Variants in NKAIN2 observed in about 807,000 individuals in gnomAD.
The protein encoded by NKAIN2 is sodium/potassium transporting ATPase interacting 2.
Under a neutral mutation model 32.6 loss-of-function variants are expected in NKAIN2, and 14 were observed. That is an observed-to-expected ratio of 0.43 (90% CI 0.28 to 0.67). The LOEUF is 0.67. NKAIN2 is among the 30% of genes least tolerant of loss of function. The pLI, the probability that NKAIN2 is intolerant of heterozygous loss-of-function variation, is 0.17. For missense variants in NKAIN2, 198 were observed against 258.3 expected (o/e 0.77, Z 1.60); for synonymous variants, 80 against 87.2 (o/e 0.92, Z 0.46).
At chr6:124,635,080 A>AAGAAAGAAAG (rs200958123) in intron 3 of NKAIN2, among the ~76,000 whole-genome samples, 3 of 148,638 alleles carry the variant, frequency 2.0e-5, no homozygotes, top group Non-Finnish European at 3.0e-5. Context: ...AAAAAAGACA[A>AAGAAAGAAAG]AGAAAGAAAG....
intron 1 of NKAIN2, among the ~76,000 whole-genome samples, chr6:124,017,919 T>G (rs1780664184): frequency 6.6e-6 from 1 of 152,188 alleles, no homozygotes; most frequent in Non-Finnish European, 1.5e-5. Context: ...CACTAGTCAG[T>G]GCCCCAGTGG....
At chr6:124,339,325 C>T (rs568722489) in intron 2 of NKAIN2, among the ~76,000 whole-genome samples, 7 of 152,218 alleles carry the variant, frequency 4.6e-5, no homozygotes, top group Admixed American at 2.0e-4. Context: ...AGCCTGGCAA[C>T]AGAATGAGAC....
chr6:123,997,022 A>G (rs1422410363), intron 1 of NKAIN2, among the ~76,000 whole-genome samples: 1 of 152,230 alleles, frequency 6.6e-6, no homozygotes, highest in African/African-American at 2.4e-5. Context: ...TTTGTCCTTA[A>G]AATAATATTG....
At chr6:124,548,261 T>C (rs1341025426) in intron 3 of NKAIN2, among the ~76,000 whole-genome samples, 2 of 152,234 alleles carry the variant, frequency 1.3e-5, no homozygotes, top group South Asian at 2.1e-4. Context: ...TACTAACTTA[T>C]GCTTTTAGTA....
intron 3 of NKAIN2, among the ~76,000 whole-genome samples, chr6:124,483,953 C>G (rs1777554281): frequency 6.6e-6 from 1 of 152,140 alleles, no homozygotes; most frequent in Non-Finnish European, 1.5e-5. Context: ...GCTATGAAAT[C>G]TTTATTACCT....
chr6:124,071,949 T>C (rs1376284915), intron 1 of NKAIN2, among the ~76,000 whole-genome samples: 1 of 152,110 alleles, frequency 6.6e-6, no homozygotes, highest in African/African-American at 2.4e-5. Context: ...ACAAGTACCA[T>C]TCCAAGTAGC....
chr6:124,327,772 A>G (rs544196923), intron 2 of NKAIN2, among the ~76,000 whole-genome samples: 8 of 152,256 alleles, frequency 5.3e-5, no homozygotes, highest in African/African-American at 1.9e-4. Context: ...TAAATTAAAG[A>G]CCTTGGGAAA....
At chr6:124,726,485 G>A (rs1361323061) in intron 4 of NKAIN2, among the ~76,000 whole-genome samples, 1 of 150,630 alleles carries the variant, frequency 6.6e-6, no homozygotes, top group African/African-American at 2.5e-5. Context: ...CAACAGACCT[G>A]CAGCTGAGGG....
At chr6:124,201,285 C>T (rs1421802819) in intron 1 of NKAIN2, among the ~76,000 whole-genome samples, 2 of 151,982 alleles carry the variant, frequency 1.3e-5, no homozygotes, top group East Asian at 3.9e-4. Flanking sequence ...TACATAGAAA[C>T]ATAATTAAAA....
chr6:124,248,473 C>T (rs1055697660), intron 1 of NKAIN2, among the ~76,000 whole-genome samples: 13 of 151,968 alleles, frequency 8.6e-5, no homozygotes, highest in Non-Finnish European at 1.0e-4. Flanking sequence ...TGCTCATATA[C>T]TTCAAAAGTG....
intron 1 of NKAIN2, among the ~76,000 whole-genome samples, chr6:124,247,385 G>T (rs764967715): frequency 6.6e-5 from 10 of 152,122 alleles, no homozygotes; most frequent in Non-Finnish European, 1.2e-4. Context: ...GATTTCACAA[G>T]AAATGATAGT....
chr6:124,097,610 T>G (rs759146681), intron 1 of NKAIN2, among the ~76,000 whole-genome samples: 24 of 152,190 alleles, frequency 1.6e-4, no homozygotes, highest in Non-Finnish European at 7.3e-5. Flanking sequence ...AATTGGCAAG[T>G]ATAGCTCCTT....
At chr6:124,758,945 G>A (rs963321458) in intron 4 of NKAIN2, among the ~76,000 whole-genome samples, 3 of 152,176 alleles carry the variant, frequency 2.0e-5, no homozygotes, top group South Asian at 2.1e-4. Flanking sequence ...TTTCCTTTAT[G>A]AGGAGCCTAT....
intron 1 of NKAIN2, among the ~76,000 whole-genome samples, chr6:124,004,917 T>C (rs1338251175): frequency 6.8e-6 from 1 of 147,190 alleles, no homozygotes; most frequent in African/African-American, 2.5e-5. Flanking sequence ...AAAAAAAGAA[T>C]CTTCAGGTAA....
At chr6:124,248,488 A>C (rs1387528571) in intron 1 of NKAIN2, among the ~76,000 whole-genome samples, 1 of 152,108 alleles carries the variant, frequency 6.6e-6, no homozygotes. Context: ...AAAGTGAGTT[A>C]ACTAATTACT....
chr6:123,996,670 C>T (rs1023237394), intron 1 of NKAIN2, among the ~76,000 whole-genome samples: 11 of 152,084 alleles, frequency 7.2e-5, no homozygotes, highest in Non-Finnish European at 1.3e-4. Context: ...GACATCTGAA[C>T]ATACTTTATT....
intron 3 of NKAIN2, among the ~76,000 whole-genome samples, chr6:124,601,826 G>T (rs897711936): frequency 7.9e-5 from 12 of 152,028 alleles, no homozygotes; most frequent in African/African-American, 2.9e-4. Context: ...AAGCAAATGA[G>T]TGAGAAGGGT....
At chr6:124,106,251 A>G (rs1170397883) in intron 1 of NKAIN2, among the ~76,000 whole-genome samples, 1 of 152,150 alleles carries the variant, frequency 6.6e-6, no homozygotes, top group Non-Finnish European at 1.5e-5. Context: ...AGTTAACATG[A>G]CTGAGTAGTT....
chr6:124,321,000 G>A (rs954312608), intron 2 of NKAIN2, among the ~76,000 whole-genome samples: 1 of 152,094 alleles, frequency 6.6e-6, no homozygotes, highest in Non-Finnish European at 1.5e-5. Context: ...ATAAGAGCAG[G>A]CAGCGTATAG....
Sources: gnomAD v4.1 joint callset for allele counts (sites outside exome capture counted in the v4.1 genomes callset) on GRCh38, gnomAD v4.1.1 for gene constraint, MANE v1.5 for transcripts, NCBI Gene and HGNC (gene_info 2026-07-23, HGNC 2026-07-21) for gene names.